SYNRG: variants seen among roughly 807,000 people sequenced by gnomAD.
The protein encoded by SYNRG is synergin gamma, also known as AP1 gamma subunit binding protein 1.
In SYNRG, 37 loss-of-function variants were observed where a neutral mutation model predicts 130.9. The ratio of observed to expected loss-of-function variants is 0.28; its 90% CI spans 0.22 to 0.37. The LOEUF is 0.37. Among genes scored for constraint, SYNRG ranks in the 10% least tolerant of loss-of-function variants. The probability of loss-of-function intolerance (pLI) is 1.00; values close to 1 mark genes in which losing one functional copy is unlikely to be tolerated. For synonymous variants in SYNRG, 539 were observed against 568.1 expected, an observed-to-expected ratio of 0.95 and a Z score of 0.73; for missense variants, 1,338 against 1,588.9, an observed-to-expected ratio of 0.84 and a Z score of 2.68.
intron 6 of SYNRG, among the ~76,000 whole-genome samples, chr17:37,582,317 A>T (rs1423969504): frequency 1.3e-5 from 2 of 152,158 alleles, no homozygotes; most frequent in Non-Finnish European, 2.9e-5. Flanking sequence ...AAGTTTGTTT[A>T]AAAAAGAAAA....
At chr17:37,539,585 T>G (rs3110624) in intron 16 of SYNRG, among the ~76,000 whole-genome samples, 108,697 of 152,080 alleles carry the variant, frequency 0.71, 39,590 homozygotes, top group East Asian at 0.94. Flanking sequence ...TGCTCAGGCT[T>G]GTCTTGAACT....
At chr17:37,534,665 T>C (rs2057018169) in intron 19 of SYNRG, among the ~76,000 whole-genome samples, 1 of 152,176 alleles carries the variant, frequency 6.6e-6, no homozygotes, top group African/African-American at 2.4e-5. Context: ...CATACAATTT[T>C]AGGTTAGAAA....
At chr17:37,608,674 A>G (rs2064039778) in intron 1 of SYNRG, among the ~76,000 whole-genome samples, 3 of 152,194 alleles carry the variant, frequency 2.0e-5, no homozygotes, top group Admixed American at 2.0e-4. Context: ...GAAGACAGAC[A>G]AGTCTTAAGA....
intron 19 of SYNRG, among the ~76,000 whole-genome samples, chr17:37,525,490 T>G (rs1232776687): frequency 1.3e-5 from 2 of 152,216 alleles, no homozygotes; most frequent in African/African-American, 4.8e-5. Context: ...TGCCCCTTTT[T>G]CAATCAGGCA....
Position 37,576,565 on chromosome 17 carries a change from C to T in SYNRG, c.824-147G>A, listed in dbSNP as rs2060853792. The T allele has an allele frequency of 6.7e-6, 4 of 599,860 alleles. No homozygotes were observed. In the East Asian group the frequency reaches 1.2e-4, roughly 18 times the overall value. 37.2% of individuals were successfully genotyped at this position (599,860 alleles called of 1,614,324 possible). ...TTAAAATACTTGGTCCCCCCTGCCTCCGATTCAGAATAAAATATTTGGTTT... is the reference window on the plus strand; with the variant it reads ...TTAAAATACTTGGTCCCCCCTGCCTTCGATTCAGAATAAAATATTTGGTTT... On this transcript the variant is annotated intron_variant, in intron 7 of 21. Coordinates refer to ENST00000612223, the MANE Select transcript of SYNRG (RefSeq NM_007247.6).
chr17:37,544,232 A>C (rs532927239), intron 14 of SYNRG, among the ~76,000 whole-genome samples: 81 of 152,298 alleles, frequency 5.3e-4, no homozygotes, highest in African/African-American at 1.9e-3. Context: ...GCATATTTAA[A>C]AATTCTGTGG....
intron 2 of SYNRG, among the ~76,000 whole-genome samples, chr17:37,598,442 C>T (rs1020323049): frequency 1.3e-5 from 2 of 152,084 alleles, no homozygotes; most frequent in Admixed American, 6.6e-5. Flanking sequence ...AGATGTTTTC[C>T]GTCTTATTTC....
At position 37,577,473 on chromosome 17, in the gene SYNRG, T is replaced by C. The variant is rs1482329565; in HGVS notation, c.730A>G (p.Ser244Gly). ...SSKKYPSLMA[S>G]NGVAVDGCVS... ...CATCCATCTACAGCAACCCCGTTAC[T>C]GGCCATTAAACTGGGATACTTCTTA... Residue 244 changes from serine to glycine, a missense_variant, in exon 7 of 22, where the codon AGT becomes GGT. Physicochemically the swap from Ser to Gly is moderately conservative, Grantham distance 56. Around this residue, in one of 3 missense-constraint regions of SYNRG, gnomAD observed 1,146 missense variants for 1,342.3 expected, o/e 0.85. Transcript: ENST00000612223. The C allele has an allele frequency of 6.2e-7, 1 of 1,614,206 alleles. No homozygotes were observed. Among genetic ancestry groups the C allele is most frequent in the South Asian group, 1.1e-5 (1 of 91,090 alleles).
chr17:37,561,699 T>G, intron 11 of SYNRG, 110 bp from the exon 12 acceptor site: 1 of 724,540 alleles, frequency 1.4e-6, no homozygotes, highest in East Asian at 2.7e-5. Context: ...CTCATGGCTC[T>G]CTGCTTTAAA....
intron 14 of SYNRG, among the ~76,000 whole-genome samples, chr17:37,550,238 T>C (rs1393247241): frequency 6.6e-6 from 1 of 152,222 alleles, no homozygotes; most frequent in East Asian, 1.9e-4. Context: ...CTCCCTATCA[T>C]GTAAAGTAGT....
intron 6 of SYNRG, among the ~76,000 whole-genome samples, chr17:37,580,916 C>T (rs1347512366): frequency 4.6e-5 from 7 of 152,002 alleles, no homozygotes; most frequent in African/African-American, 1.7e-4. Context: ...GTGATCCACC[C>T]ACCTTGGCCT....
rs184292934 is a variant in SYNRG, at chr17:37,539,004, G to A, written c.3420+188C>T. The stretch of plus-strand genomic sequence containing the variant: ...TGAGGGGATGACTGACACATGAGCC[G>A]GTCTGCTATTGTAAGTGTGAAAGAA... On this transcript the variant is annotated intron_variant, in intron 17 of 21. Transcript: ENST00000612223. 32 of 971,710 alleles carry A rather than the reference G, an allele frequency of 3.3e-5. No homozygotes were observed. In the Admixed American group the frequency reaches 3.7e-4, roughly 11 times the overall value. The allele number at this position is 971,710 out of a possible 1,614,324, so 60.2% of individuals were successfully genotyped here.
At chr17:37,524,993 G>A (rs559439386) in intron 19 of SYNRG, among the ~76,000 whole-genome samples, 1 of 152,280 alleles carries the variant, frequency 6.6e-6, no homozygotes, top group East Asian at 1.9e-4. Flanking sequence ...CATAAGGAAA[G>A]CAAATGAAAA....
At position 37,529,923 on chromosome 17, in the gene SYNRG, A is replaced by G. The variant is rs2056440822; in HGVS notation, c.3666+6056T>C. ...CTAGTTTTCAAGTGTTAACTGCAGT[A>G]AGAACCGATTGCCACCCAAACAAAG... On this transcript the variant is annotated intron_variant, in intron 19 of 21. Coordinates refer to ENST00000612223, the MANE Select transcript of SYNRG (RefSeq NM_007247.6). The G allele has an allele frequency of 2.9e-6, 4 of 1,375,672 alleles. No individual in the cohort carries two copies. In the Admixed American group the frequency reaches 6.3e-5, roughly 22 times the overall value. 85.2% of individuals were successfully genotyped at this position (1,375,672 alleles called of 1,614,324 possible). A position where few individuals can be genotyped will look rare whatever the true frequency, so the allele number is the denominator to read the frequency against.
intron 11 of SYNRG, among the ~76,000 whole-genome samples, chr17:37,565,753 A>T (rs1164023261): frequency 1.1e-4 from 16 of 148,170 alleles, no homozygotes; most frequent in African/African-American, 4.0e-4. Flanking sequence ...CTGGGAGGTG[A>T]GGAGCGTCTC....
intron 11 of SYNRG, among the ~76,000 whole-genome samples, chr17:37,561,806 C>A (rs1415982773): frequency 1.3e-5 from 2 of 151,372 alleles, no homozygotes; most frequent in Non-Finnish European, 2.9e-5. Context: ...ATTACCCAAA[C>A]AATCATTTTT....
At chr17:37,564,545 G>A (rs1007641959) in intron 11 of SYNRG, among the ~76,000 whole-genome samples, 1 of 152,166 alleles carries the variant, frequency 6.6e-6, no homozygotes, top group Admixed American at 6.5e-5. Flanking sequence ...CACAACTGGT[G>A]CCGTCCTTAA....
intron 15 of SYNRG, chr17:37,540,983 T>C: frequency 1.0e-6 from 1 of 987,474 alleles, no homozygotes; most frequent in Non-Finnish European, 1.2e-6. Flanking sequence ...CACAAACACA[T>C]TCCTCATTCA....
At position 37,568,809 on chromosome 17, in the gene SYNRG, T is replaced by G; in HGVS notation, c.1463A>C (p.Asn488Thr). The change falls in exon 11 of 22, where the codon AAC becomes ACC. Residue 488 changes from asparagine to threonine, a missense_variant. Transcript: ENST00000612223. ...QELPASSKTS[N>T]SQHGNSAPSL... ...TTTCTACCTGTTTCCATGCTGGGAG[T>G]TACTTGTTTTTGAAGAAGCAGGCAA... is the stretch of plus-strand genomic sequence containing the variant. The G allele has an allele frequency of 5.0e-6, 8 of 1,613,934 alleles. No individual in the cohort carries two copies. Among genetic ancestry groups the G allele is most frequent in the Non-Finnish European group, 6.8e-6 (8 of 1,179,932 alleles).
Sources: gnomAD v4.1 joint callset for allele counts (sites outside exome capture counted in the v4.1 genomes callset) on GRCh38, gnomAD v4.1.1 for gene constraint, gnomAD v4.1.1 regional missense constraint, MANE v1.5 for transcripts, NCBI Gene and HGNC (gene_info 2026-07-23, HGNC 2026-07-21) for gene names.